Variants in AXDND1 observed in about 807,000 individuals in gnomAD.
AXDND1 encodes the protein axonemal dynein light chain domain containing 1.
AXDND1 carries 110 observed loss-of-function variants against 137.5 expected under a neutral mutation model. The observed-to-expected ratio is 0.80, with a 90% CI of 0.69 to 0.94. AXDND1 has a LOEUF of 0.94. AXDND1 is among the 40% of genes least tolerant of loss of function. The probability of loss-of-function intolerance (pLI) is 0.00; values close to 1 mark genes in which losing one functional copy is unlikely to be tolerated. For missense variants in AXDND1, 1,191 were observed against 1,169.8 expected, an observed-to-expected ratio of 1.02 and a Z score of -0.26; for synonymous variants, 414 against 399.7, an observed-to-expected ratio of 1.04 and a Z score of -0.43.
chr1:179,470,122 A>G (rs1471017861), intron 17 of AXDND1, among the ~76,000 whole-genome samples: 1 of 152,210 alleles, frequency 6.6e-6, no homozygotes, highest in Non-Finnish European at 1.5e-5. Context: ...GATGAAAATC[A>G]GTCATGGATT....
In AXDND1 at chr1:179,534,841, A is replaced by C. The variant is rs748652412; in HGVS notation, c.2910A>C (p.Ser970=). The C allele has an allele frequency of 3.1e-6, 5 of 1,611,346 alleles. No individual in the cohort carries two copies. Among genetic ancestry groups the C allele is most frequent in the Non-Finnish European group, 4.2e-6 (5 of 1,179,440 alleles). The change falls in exon 25 of 26, where the codon TCA becomes TCC. Residue 970 remains serine (S), a synonymous_variant. Coordinates refer to ENST00000367618, the MANE Select transcript of AXDND1 (RefSeq NM_144696.6). The part of the protein sequence containing the change: ...NKDLEELVMT[S]RKESKEEKEN... ...ATCTAGAGGAATTAGTCATGACATCAAGAAAGGAGTCTAAAGAAGAGAAAG... is the reference window on the plus strand; with the variant it reads ...ATCTAGAGGAATTAGTCATGACATCCAGAAAGGAGTCTAAAGAAGAGAAAG...
chr1:179,405,569 CATT>C (rs1000780369), intron 11 of AXDND1, among the ~76,000 whole-genome samples: 1 of 152,134 alleles, frequency 6.6e-6, no homozygotes, highest in Non-Finnish European at 1.5e-5. Context: ...TCTTGTTACT[CATT>C]ATTGGTCTGT....
At chr1:179,417,253 A>G (rs778655850) in intron 12 of AXDND1, among the ~76,000 whole-genome samples, 3 of 148,490 alleles carry the variant, frequency 2.0e-5, no homozygotes, top group Non-Finnish European at 3.0e-5. Flanking sequence ...TAACTCCCTT[A>G]TCAGATAGAT....
intron 5 of AXDND1, among the ~76,000 whole-genome samples, 162 bp from the exon 6 acceptor site, chr1:179,379,235 T>A (rs773447411): frequency 2.0e-5 from 3 of 152,220 alleles, no homozygotes; most frequent in African/African-American, 4.8e-5. Flanking sequence ...TTAGTTTTTG[T>A]CATTTGCTAT....
chr1:179,416,682 A>C (rs1654757854), intron 12 of AXDND1, among the ~76,000 whole-genome samples: 1 of 152,198 alleles, frequency 6.6e-6, no homozygotes, highest in Non-Finnish European at 1.5e-5. Context: ...GTTATCACAT[A>C]AATTATAAGG....
intron 25 of AXDND1, among the ~76,000 whole-genome samples, chr1:179,548,017 C>T (rs1373840326): frequency 6.6e-6 from 1 of 152,086 alleles, no homozygotes; most frequent in Non-Finnish European, 1.5e-5. Flanking sequence ...AACAGCTGTG[C>T]ACTTTGAAAC....
intron 2 of AXDND1, among the ~76,000 whole-genome samples, chr1:179,367,596 G>A (rs1667584721): frequency 6.6e-6 from 1 of 152,024 alleles, no homozygotes; most frequent in South Asian, 2.1e-4. Flanking sequence ...ATTTAGCCTG[G>A]TGTGGTGGCA....
At position 179,519,025 on chromosome 1, in the gene AXDND1, T is replaced by C. The variant is rs145804967; in HGVS notation, c.2497-6309T>C. On this transcript the variant is annotated intron_variant, in intron 21 of 25. Transcript: ENST00000367618. Reference sequence around the variant, plus strand: ...CCACCACAGTGTATATAAGTGATCCTTTCTCTCCACAACCTTGCCAGCATC... The same window carrying C: ...CCACCACAGTGTATATAAGTGATCCCTTCTCTCCACAACCTTGCCAGCATC... Among the ~76,000 whole-genome samples the C allele has an allele frequency of 4.0e-3, 605 of 152,338 alleles. 4 individuals carry two copies. Among genetic ancestry groups the C allele is most frequent in the African/African-American group, 0.014 (576 of 41,582 alleles).
At chr1:179,492,135 G>A (rs1042389316) in intron 19 of AXDND1, among the ~76,000 whole-genome samples, 4 of 152,146 alleles carry the variant, frequency 2.6e-5, no homozygotes, top group Admixed American at 6.5e-5. Flanking sequence ...ATGTAGTAGC[G>A]TGATCTCGGC....
intron 20 of AXDND1, among the ~76,000 whole-genome samples, chr1:179,507,450 A>C (rs992777552): frequency 6.6e-6 from 1 of 152,114 alleles, no homozygotes; most frequent in African/African-American, 2.4e-5. Flanking sequence ...TAGTTTTGAA[A>C]TTTTTTTGTT....
At chr1:179,409,014 A>G (rs1044815280) in intron 11 of AXDND1, among the ~76,000 whole-genome samples, 2 of 104,696 alleles carry the variant, frequency 1.9e-5, no homozygotes, top group African/African-American at 8.2e-5. Flanking sequence ...TGGTATTTTG[A>G]TAGGGGTTGC....
At position 179,484,398 on chromosome 1, in the gene AXDND1, G is replaced by A. The variant is rs781764510; in HGVS notation, c.2091+1177G>A. On this transcript the variant is annotated intron_variant, in intron 18 of 25. Coordinates refer to ENST00000367618, the MANE Select transcript of AXDND1 (RefSeq NM_144696.6). ...AACTATCAGACCTGAACAATACAGG[G>A]TGATCTTGCCCCTAAGACAGGGCCA... 9.9e-5 allele frequency among the ~76,000 whole-genome samples: 15 copies of A among 152,162 alleles called. 1 individual carries two copies. Among genetic ancestry groups the A allele is most frequent in the Non-Finnish European group, 1.6e-4 (11 of 68,028 alleles).
At chr1:179,399,894 A>G (rs774325880) in intron 11 of AXDND1, among the ~76,000 whole-genome samples, 21 of 152,352 alleles carry the variant, frequency 1.4e-4, no homozygotes, top group Middle Eastern at 6.8e-3. Context: ...TTACTCCTGC[A>G]AGGATGGCTA....
Position 179,386,595 on chromosome 1 carries a change from A to G in AXDND1, c.863+1236A>G, listed in dbSNP as rs573294473. On this transcript the variant is annotated intron_variant, in intron 9 of 25. Coordinates refer to ENST00000367618, the MANE Select transcript of AXDND1 (RefSeq NM_144696.6). ...ACTGAAGTTGTCCCACAGATCACTA[A>G]TGTTATACACATTTTTGCTCTTTTC... 2.0e-5 allele frequency among the ~76,000 whole-genome samples: 3 copies of G among 152,210 alleles called. No individual in the cohort carries two copies. In the South Asian group the frequency reaches 6.2e-4, roughly 32 times the overall value.
chr1:179,441,216 C>T (rs1209597814), intron 15 of AXDND1, among the ~76,000 whole-genome samples: 1 of 152,212 alleles, frequency 6.6e-6, no homozygotes. Flanking sequence ...TCCTTTGTTA[C>T]AGCAAGGACA....
chr1:179,461,214 G>A (rs1156272910), intron 16 of AXDND1, among the ~76,000 whole-genome samples: 1 of 152,112 alleles, frequency 6.6e-6, no homozygotes, highest in Non-Finnish European at 1.5e-5. Context: ...AATCCATCTT[G>A]AATTAATTTT....
chr1:179,448,419 T>G (rs1304909954), intron 16 of AXDND1: 3 of 579,314 alleles, frequency 5.2e-6, no homozygotes, highest in Non-Finnish European at 9.5e-6. Flanking sequence ...ATGCATGTGA[T>G]TTGTATTTTC....
chr1:179,497,813 T>G (rs1274082545), intron 20 of AXDND1, among the ~76,000 whole-genome samples: 1 of 152,172 alleles, frequency 6.6e-6, no homozygotes, highest in African/African-American at 2.4e-5. Flanking sequence ...TTAGTAAAGT[T>G]TAGGATACTA....
chr1:179,371,194 G>A (rs1441895029), intron 4 of AXDND1, among the ~76,000 whole-genome samples: 4 of 152,086 alleles, frequency 2.6e-5, no homozygotes, highest in South Asian at 2.1e-4. Flanking sequence ...TTGGGAGGCC[G>A]AGGTGGGCAG....
Sources: gnomAD v4.1 joint callset for allele counts (sites outside exome capture counted in the v4.1 genomes callset) on GRCh38, gnomAD v4.1.1 for gene constraint, MANE v1.5 for transcripts, NCBI Gene and HGNC (gene_info 2026-07-23, HGNC 2026-07-21) for gene names.